Variants in MGAT5B observed in about 807,000 individuals in gnomAD.
The protein encoded by MGAT5B is alpha-1,6-mannosylglycoprotein 6-beta-N-acetylglucosaminyltransferase B, also known as N-acetylglucosaminyl-transferase Vb.
A neutral mutation model predicts 95.1 loss-of-function variants in MGAT5B; 54 were observed. That is an observed-to-expected ratio of 0.57 (90% CI 0.46 to 0.71). The LOEUF is 0.71. Ranked by LOEUF, MGAT5B falls within the 30% of genes least tolerant of loss-of-function variation. The pLI is 0.00. For missense variants in MGAT5B, 935 were observed against 1,088.6 expected (o/e 0.86, Z 1.99); for synonymous variants, 464 against 451.0 (o/e 1.03, Z -0.36).
At chr17:76,944,992 T>TG (rs995208648) in intron 15 of MGAT5B, among the ~76,000 whole-genome samples, 10 of 152,066 alleles carry the variant, frequency 6.6e-5, no homozygotes, top group Admixed American at 6.6e-4. Flanking sequence ...CCAGGCATGG[T>TG]GGGGTGGGGA....
At chr17:76,924,598 G>A (rs916783116) in intron 8 of MGAT5B, among the ~76,000 whole-genome samples, 12 of 152,300 alleles carry the variant, frequency 7.9e-5, no homozygotes, top group East Asian at 1.9e-4. Flanking sequence ...ACGTAGCTGC[G>A]CTGAGGACTG....
intron 4 of MGAT5B, 44 bp downstream of exon 4, chr17:76,902,714 A>C (rs1338007392): frequency 7.1e-7 from 1 of 1,412,074 alleles, no homozygotes; most frequent in Admixed American, 2.0e-5. Context: ...CTAGGGGGCC[A>C]ATGAACTGGG....
chr17:76,922,197 A>G (rs1443676852), intron 8 of MGAT5B, among the ~76,000 whole-genome samples: 1 of 152,210 alleles, frequency 6.6e-6, no homozygotes, highest in Non-Finnish European at 1.5e-5. Context: ...AGAGATCTGT[A>G]GGGAAGCCAG....
Position 76,869,106 on chromosome 17 carries a change from C to A in MGAT5B, c.68+9C>A. The A allele has an allele frequency of 1.1e-5, 18 of 1,613,846 alleles. No homozygotes were observed. The highest frequency in any genetic ancestry group is 1.5e-5 in the Non-Finnish European group (18 of 1,179,764). Reference sequence around the variant, plus strand: ...ACCCTGAGACCCTTTCGGTAAAGTTCCCTCCTGGTTGGTTTTTTCCCCAGG... The same window carrying A: ...ACCCTGAGACCCTTTCGGTAAAGTTACCTCCTGGTTGGTTTTTTCCCCAGG... On this transcript the variant is annotated intron_variant, in intron 1 of 17. Transcript: ENST00000569840. This position sits in a 1 kb window ranked among gnomAD's most constrained non-coding sequence, Gnocchi z 7.0.
chr17:76,913,486 G>A (rs1429189067), intron 8 of MGAT5B, among the ~76,000 whole-genome samples: 1 of 152,220 alleles, frequency 6.6e-6, no homozygotes, highest in Non-Finnish European at 1.5e-5. Flanking sequence ...GGGCACACAT[G>A]TTGAAACAGA....
At chr17:76,897,291 G>A (rs1968095582) in intron 3 of MGAT5B, among the ~76,000 whole-genome samples, 1 of 152,142 alleles carries the variant, frequency 6.6e-6, no homozygotes, top group Non-Finnish European at 1.5e-5. Context: ...TAGTTTCGTA[G>A]AGTTGCCGTA....
chr17:76,946,755 T>A (rs1003949247), intron 16 of MGAT5B, among the ~76,000 whole-genome samples: 3 of 152,254 alleles, frequency 2.0e-5, no homozygotes, highest in South Asian at 4.1e-4. Context: ...TTCGAAAGTC[T>A]GCTAACTGAT....
Position 76,912,286 on chromosome 17 carries a change from G to A in MGAT5B, c.1025+6099G>A, listed in dbSNP as rs1385234303. Reference sequence around the variant, plus strand: ...GATGGCAACCACTGGGGGGCCCTGGGCAGAGTTCCCAGCGAGCAACCGCGA... The same window carrying A: ...GATGGCAACCACTGGGGGGCCCTGGACAGAGTTCCCAGCGAGCAACCGCGA... On this transcript the variant is annotated intron_variant, in intron 8 of 17. Coordinates refer to ENST00000569840, the MANE Select transcript of MGAT5B (RefSeq NM_001199172.2). The surrounding 1 kb of genome is among the most constrained non-coding windows in gnomAD (Gnocchi z 5.0). 6.6e-6 allele frequency among the ~76,000 whole-genome samples: 1 copy of A among 152,168 alleles called. No individual in the cohort carries two copies.
intron 2 of MGAT5B, among the ~76,000 whole-genome samples, chr17:76,881,218 G>T (rs893241246): frequency 6.6e-6 from 1 of 152,220 alleles, no homozygotes; most frequent in African/African-American, 2.4e-5. Context: ...AAAGGAAGCC[G>T]TGGAGGACTG....
At chr17:76,896,758 A>G (rs1003926041) in intron 3 of MGAT5B, among the ~76,000 whole-genome samples, 1 of 152,202 alleles carries the variant, frequency 6.6e-6, no homozygotes, top group Non-Finnish European at 1.5e-5. Context: ...GCTAATGTGG[A>G]GAGTCACTGA....
chr17:76,932,236 G>A lies in MGAT5B; in HGVS notation c.1292-409G>A, dbSNP rs138139697. ...CAGCCTTGAACTAGTGGGCTCAAGCGATTCTCCCACCTCAGCCTCTCGAGT... is the reference window on the plus strand; with the variant it reads ...CAGCCTTGAACTAGTGGGCTCAAGCAATTCTCCCACCTCAGCCTCTCGAGT... On this transcript the variant is annotated intron_variant, in intron 10 of 17. Coordinates refer to ENST00000569840, the MANE Select transcript of MGAT5B (RefSeq NM_001199172.2). 3.9e-3 allele frequency among the ~76,000 whole-genome samples: 593 copies of A among 151,966 alleles called. 6 individuals carry two copies. The highest frequency in any genetic ancestry group is 6.5e-3 in the Non-Finnish European group (442 of 67,978).
intron 11 of MGAT5B, 114 bp downstream of exon 11, chr17:76,932,889 A>G (rs1969540314): frequency 2.8e-6 from 4 of 1,432,870 alleles, no homozygotes; most frequent in Non-Finnish European, 3.7e-6. Context: ...CCAGCCCTGC[A>G]TGCTGGAAAT....
At chr17:76,877,633 C>G (rs1967239292) in intron 2 of MGAT5B, among the ~76,000 whole-genome samples, 3 of 152,206 alleles carry the variant, frequency 2.0e-5, no homozygotes, top group Admixed American at 2.0e-4. Flanking sequence ...GTCTTCTCTG[C>G]TGCCCGGAGC....
chr17:76,899,069 G>A (rs7216875), intron 3 of MGAT5B, among the ~76,000 whole-genome samples: 14,265 of 152,274 alleles, frequency 0.094, 1,749 homozygotes, highest in African/African-American at 0.27. Context: ...CAAGACGGAT[G>A]GAGAGGAGCC....
chr17:76,927,973 A>G (rs1969366806), intron 10 of MGAT5B, among the ~76,000 whole-genome samples: 1 of 152,210 alleles, frequency 6.6e-6, no homozygotes, highest in African/African-American at 2.4e-5. Context: ...AATTCATGGC[A>G]TCTCTTGTGG....
chr17:76,928,112 G>A (rs1340649251), intron 10 of MGAT5B, among the ~76,000 whole-genome samples: 1 of 152,154 alleles, frequency 6.6e-6, no homozygotes, highest in Admixed American at 6.5e-5. Context: ...GAAGGTTCCT[G>A]GGGCTCATGC....
chr17:76,890,751 C>G (rs612039), intron 3 of MGAT5B, among the ~76,000 whole-genome samples: 1 of 152,168 alleles, frequency 6.6e-6, no homozygotes, highest in African/African-American at 2.4e-5. Context: ...AATTGGGCCA[C>G]CTCAGCCTCC....
chr17:76,923,519 A>G (rs889302064), intron 8 of MGAT5B, among the ~76,000 whole-genome samples: 12 of 152,046 alleles, frequency 7.9e-5, no homozygotes, highest in Admixed American at 7.2e-4. Flanking sequence ...TGCACCCACC[A>G]AGAGCTGTTG....
chr17:76,942,651 G>A (rs72887789), intron 15 of MGAT5B, among the ~76,000 whole-genome samples: 41,018 of 152,174 alleles, frequency 0.27, 5,646 homozygotes, highest in East Asian at 0.37. Flanking sequence ...TGCCAGGAAG[G>A]AGGCCTTAGG....
Sources: gnomAD v4.1 joint callset for allele counts (sites outside exome capture counted in the v4.1 genomes callset) on GRCh38, gnomAD v4.1.1 for gene constraint, Gnocchi (gnomAD v3.1) non-coding constraint, MANE v1.5 for transcripts, NCBI Gene and HGNC (gene_info 2026-07-23, HGNC 2026-07-21) for gene names.